Variants in PTPRG observed in about 807,000 individuals in gnomAD.
PTPRG encodes the protein receptor-type tyrosine-protein phosphatase gamma.
Under a neutral mutation model 165.3 loss-of-function variants are expected in PTPRG, and 102 were observed. That is an observed-to-expected ratio of 0.62 (90% CI 0.53 to 0.73). The LOEUF (loss-of-function observed/expected upper bound fraction) is 0.73, where lower values mean the gene tolerates loss of function less well. PTPRG is among the 30% of genes least tolerant of loss of function. The pLI, the probability that PTPRG is intolerant of heterozygous loss-of-function variation, is 0.00. For missense variants in PTPRG, 1,866 were observed against 1,861.4 expected (o/e 1.00, Z -0.05); for synonymous variants, 675 against 669.5 (o/e 1.01, Z -0.13).
intron 2 of PTPRG, among the ~76,000 whole-genome samples, chr3:61,928,401 C>G (rs41378846): frequency 1.3e-5 from 2 of 152,136 alleles, no homozygotes; most frequent in Admixed American, 6.5e-5. Context: ...CCAAACCAGA[C>G]TTATTTTGCC....
intron 1 of PTPRG, among the ~76,000 whole-genome samples, chr3:61,609,828 A>C (rs559103144): frequency 6.6e-6 from 1 of 152,240 alleles, no homozygotes; most frequent in Non-Finnish European, 1.5e-5. Context: ...TGGGCAACAG[A>C]GTGAGATCCT....
At chr3:61,604,176 T>C (rs961772794) in intron 1 of PTPRG, among the ~76,000 whole-genome samples, 2 of 152,080 alleles carry the variant, frequency 1.3e-5, no homozygotes, top group African/African-American at 2.4e-5. Flanking sequence ...ATACAAAAAT[T>C]AGCTGGGCAT....
chr3:61,741,415 G>A (rs922525705), intron 1 of PTPRG, among the ~76,000 whole-genome samples: 1 of 152,092 alleles, frequency 6.6e-6, no homozygotes, highest in African/African-American at 2.4e-5. Context: ...TTTCATTTTG[G>A]CACTGGAGAA....
chr3:61,893,334 C>G (rs2038266849), intron 2 of PTPRG, among the ~76,000 whole-genome samples: 1 of 152,132 alleles, frequency 6.6e-6, no homozygotes, highest in Non-Finnish European at 1.5e-5. Flanking sequence ...ATAAAAATAG[C>G]CACTATAAAT....
intron 2 of PTPRG, among the ~76,000 whole-genome samples, chr3:61,912,531 A>G (rs1002759636): frequency 6.6e-6 from 1 of 152,232 alleles, no homozygotes; most frequent in Non-Finnish European, 1.5e-5. Context: ...GTAAAGAAAA[A>G]AAATCCTTTG....
intron 2 of PTPRG, among the ~76,000 whole-genome samples, chr3:61,796,085 C>T (rs2035036223): frequency 2.0e-5 from 3 of 152,136 alleles, no homozygotes. Context: ...ATAATCATCC[C>T]ATTAAATTTG....
chr3:62,044,209 T>A (rs1164892735), intron 4 of PTPRG, among the ~76,000 whole-genome samples: 1 of 152,214 alleles, frequency 6.6e-6, no homozygotes, highest in African/African-American at 2.4e-5. Context: ...ACTGAGCAAG[T>A]CACTTAACCT....
intron 2 of PTPRG, among the ~76,000 whole-genome samples, chr3:61,946,388 A>G (rs1171188734): frequency 6.6e-6 from 1 of 152,232 alleles, no homozygotes; most frequent in Non-Finnish European, 1.5e-5. Context: ...GAAGGATTTA[A>G]TTTAGGGAAC....
At chr3:62,087,341 T>C (rs953582929) in intron 5 of PTPRG, among the ~76,000 whole-genome samples, 5 of 152,216 alleles carry the variant, frequency 3.3e-5, no homozygotes, top group Non-Finnish European at 5.9e-5. Flanking sequence ...CTTTAGCTGA[T>C]TAGATTTATC....
chr3:62,097,599 C>G (rs1702159437), intron 5 of PTPRG, among the ~76,000 whole-genome samples: 1 of 152,166 alleles, frequency 6.6e-6, no homozygotes, highest in Non-Finnish European at 1.5e-5. Context: ...ATTCAAAAAA[C>G]AAATTTCTAG....
Position 62,282,823 on chromosome 3 carries a change from A to G in PTPRG, c.4009A>G (p.Lys1337Glu). The stretch of plus-strand genomic sequence containing the variant: ...TACCTTTGAACTTATCAACGTCATC[A>G]AGGAAGAGGCCTTAACAAGGGATGG... ...SSTFELINVI[K>E]EEALTRDGPT... The change falls in exon 28 of 30, where the codon AAG (lysine) becomes GAG (glutamate). Residue 1337 changes from lysine (K) to glutamate (E), a missense_variant. By Grantham distance (56) the Lys-to-Glu change is moderately conservative. This residue lies in a region of PTPRG where 1,452 missense variants were observed against 1,463.0 expected (regional missense o/e 0.99). Coordinates refer to ENST00000474889, the MANE Select transcript of PTPRG (RefSeq NM_002841.4). The G allele has an allele frequency of 6.2e-7, 1 of 1,611,978 alleles. No homozygotes were observed.
intron 1 of PTPRG, among the ~76,000 whole-genome samples, chr3:61,651,365 C>CT (rs11372460): frequency 0.93 from 137,819 of 147,690 alleles, 64,618 homozygotes; most frequent in East Asian, 1. Flanking sequence ...TGTTAATAAT[C>CT]TTTTTTTTTT....
intron 6 of PTPRG, among the ~76,000 whole-genome samples, chr3:62,153,939 T>G (rs1042570305): frequency 4.6e-5 from 7 of 152,228 alleles, no homozygotes; most frequent in Non-Finnish European, 8.8e-5. Flanking sequence ...TGATGTTTTC[T>G]GCTCTCCAGG....
At chr3:62,137,995 G>GCT (rs1276702267) in intron 6 of PTPRG, among the ~76,000 whole-genome samples, 1 of 152,166 alleles carries the variant, frequency 6.6e-6, no homozygotes, top group Non-Finnish European at 1.5e-5. Flanking sequence ...TTCAATGATT[G>GCT]CTCTCAATTG....
At chr3:61,893,337 C>T (rs1386325286) in intron 2 of PTPRG, among the ~76,000 whole-genome samples, 1 of 152,204 alleles carries the variant, frequency 6.6e-6, no homozygotes, top group Non-Finnish European at 1.5e-5. Flanking sequence ...AAAATAGCCA[C>T]TATAAATTGA....
intron 28 of PTPRG, among the ~76,000 whole-genome samples, chr3:62,286,052 T>G (rs1702647576): frequency 6.6e-6 from 1 of 152,224 alleles, no homozygotes. Flanking sequence ...TTTCTCAGTT[T>G]TAATTTCTAA....
chr3:61,928,759 C>G (rs181191091), intron 2 of PTPRG, among the ~76,000 whole-genome samples: 164 of 152,054 alleles, frequency 1.1e-3, no homozygotes, highest in African/African-American at 3.7e-3. Flanking sequence ...ATGAAAATGT[C>G]TTATCTCTTT....
At chr3:61,715,461 C>T (rs1575606203) in intron 1 of PTPRG, among the ~76,000 whole-genome samples, 1 of 152,226 alleles carries the variant, frequency 6.6e-6, no homozygotes, top group South Asian at 2.1e-4. Flanking sequence ...TCAAGATGTC[C>T]ACCTGCCTTG....
chr3:61,844,671 T>TC (rs58251581), intron 2 of PTPRG, among the ~76,000 whole-genome samples: 3 of 149,896 alleles, frequency 2.0e-5, no homozygotes, highest in South Asian at 2.1e-4. Flanking sequence ...TTTTTTTTTT[T>TC]CCCCCTGTTT....
Sources: gnomAD v4.1 joint callset for allele counts (sites outside exome capture counted in the v4.1 genomes callset) on GRCh38, gnomAD v4.1.1 for gene constraint, gnomAD v4.1.1 regional missense constraint, MANE v1.5 for transcripts, NCBI Gene and HGNC (gene_info 2026-07-23, HGNC 2026-07-21) for gene names.